SCHIP1: variants seen among roughly 807,000 people sequenced by gnomAD.
SCHIP1 encodes schwannomin-interacting protein 1.
In SCHIP1, 8 loss-of-function variants were observed where a neutral mutation model predicts 29.7. The ratio of observed to expected loss-of-function variants is 0.27; its 90% CI spans 0.16 to 0.49. The LOEUF is 0.49. Among genes scored for constraint, SCHIP1 ranks in the 20% least tolerant of loss-of-function variants. The probability of loss-of-function intolerance (pLI) is 0.99; values close to 1 mark genes in which losing one functional copy is unlikely to be tolerated. For missense variants in SCHIP1, 193 were observed against 294.6 expected, an observed-to-expected ratio of 0.66 and a Z score of 2.52; for synonymous variants, 76 against 94.9, an observed-to-expected ratio of 0.80 and a Z score of 1.16.
chr3:159,711,299 TGCAGTGA>T, the SCHIP1 span, among the ~76,000 whole-genome samples: 1 of 69,502 alleles, frequency 1.4e-5, no homozygotes, highest in African/African-American at 1.9e-4. Context: ...AGGCGGAGCT[TGCAGTGA>T]GCCGAGATCC....
chr3:159,683,462 T>C, the SCHIP1 span, among the ~76,000 whole-genome samples: 1 of 152,090 alleles, frequency 6.6e-6, no homozygotes, highest in African/African-American at 2.4e-5. Context: ...GTTTTTGTAA[T>C]ATTCTTTCTC....
the SCHIP1 span, among the ~76,000 whole-genome samples, chr3:159,810,527 G>A: frequency 6.6e-6 from 1 of 152,122 alleles, no homozygotes; most frequent in Non-Finnish European, 1.5e-5. Context: ...TTATAAATCT[G>A]CCTTTTCTGA....
At chr3:159,642,826 A>AG in the SCHIP1 span, among the ~76,000 whole-genome samples, 1 of 152,108 alleles carries the variant, frequency 6.6e-6, no homozygotes, top group Non-Finnish European at 1.5e-5. Flanking sequence ...TATGAGTACA[A>AG]GGACTCAGAG....
At chr3:159,502,338 C>T in the SCHIP1 span, among the ~76,000 whole-genome samples, 1 of 152,110 alleles carries the variant, frequency 6.6e-6, no homozygotes. Context: ...GGGTGTCTGG[C>T]ACATTGTTTA....
chr3:159,435,490 A>G, the SCHIP1 span, among the ~76,000 whole-genome samples: 2 of 152,118 alleles, frequency 1.3e-5, no homozygotes, highest in Non-Finnish European at 2.9e-5. Flanking sequence ...TTCTCCCCAT[A>G]GGTGCCAGCA....
the SCHIP1 span, among the ~76,000 whole-genome samples, chr3:159,359,988 A>C: frequency 6.6e-6 from 1 of 152,232 alleles, no homozygotes; most frequent in Non-Finnish European, 1.5e-5. Flanking sequence ...CAGCACAAAC[A>C]CAGAGGTGAC....
At chr3:159,518,045 T>C in the SCHIP1 span, among the ~76,000 whole-genome samples, 27 of 152,256 alleles carry the variant, frequency 1.8e-4, no homozygotes, top group African/African-American at 6.3e-4. Flanking sequence ...AATGTAATTG[T>C]ATACAACTGC....
At chr3:159,308,592 G>T in the SCHIP1 span, among the ~76,000 whole-genome samples, 1 of 152,126 alleles carries the variant, frequency 6.6e-6, no homozygotes, top group African/African-American at 2.4e-5. Context: ...GCCACTGTGG[G>T]AAGCAGTCTG....
At chr3:159,423,691 C>T in the SCHIP1 span, among the ~76,000 whole-genome samples, 1 of 152,158 alleles carries the variant, frequency 6.6e-6, no homozygotes, top group Non-Finnish European at 1.5e-5. Context: ...TGTCTGACAG[C>T]TTTGAACAGA....
At chr3:159,519,126 T>A in the SCHIP1 span, among the ~76,000 whole-genome samples, 1 of 152,140 alleles carries the variant, frequency 6.6e-6, no homozygotes, top group Non-Finnish European at 1.5e-5. Context: ...GGTCCAAGTT[T>A]AAAGGCTTAT....
At chr3:159,409,501 G>A in the SCHIP1 span, among the ~76,000 whole-genome samples, 1 of 151,852 alleles carries the variant, frequency 6.6e-6, no homozygotes, top group South Asian at 2.1e-4. Flanking sequence ...TGACCAATCT[G>A]AAAAAGAAAT....
At chr3:159,521,520 A>G in the SCHIP1 span, among the ~76,000 whole-genome samples, 3 of 152,364 alleles carry the variant, frequency 2.0e-5, no homozygotes, top group East Asian at 5.8e-4. Context: ...GCCCCTTTAG[A>G]CAGGGAGTTA....
the SCHIP1 span, among the ~76,000 whole-genome samples, chr3:159,498,077 A>C: frequency 1.3e-5 from 2 of 152,220 alleles, no homozygotes; most frequent in African/African-American, 4.8e-5. Flanking sequence ...TTATACATTC[A>C]AATTACACAG....
At chr3:159,628,404 T>C in the SCHIP1 span, among the ~76,000 whole-genome samples, 6 of 152,256 alleles carry the variant, frequency 3.9e-5, no homozygotes, top group African/African-American at 1.4e-4. Context: ...AAAGTTACCA[T>C]GCATGCCAAG....
chr3:159,828,430 C>CGTATATAT, the SCHIP1 span, among the ~76,000 whole-genome samples: 29 of 91,548 alleles, frequency 3.2e-4, 2 homozygotes, highest in African/African-American at 1.3e-3. Flanking sequence ...TATATATATA[C>CGTATATAT]GTATATATAC....
At chr3:159,836,958 C>A (rs1560075391), upstream of SCHIP1, among the ~76,000 whole-genome samples, 1 of 152,104 alleles carries the variant, frequency 6.6e-6, no homozygotes, top group Non-Finnish European at 1.5e-5. Flanking sequence ...CTAATATATT[C>A]ATTTTTTTTC....
the SCHIP1 span, among the ~76,000 whole-genome samples, chr3:159,590,037 T>C: frequency 6.6e-6 from 1 of 152,186 alleles, no homozygotes; most frequent in African/African-American, 2.4e-5. Context: ...AATTCAAGTT[T>C]AGTTAGGAAT....
the SCHIP1 span, among the ~76,000 whole-genome samples, chr3:159,529,781 G>A: frequency 6.6e-6 from 1 of 152,028 alleles, no homozygotes; most frequent in African/African-American, 2.4e-5. Context: ...CCCAGCCTCT[G>A]GTAACCACCA....
chr3:159,533,781 T>C, the SCHIP1 span, among the ~76,000 whole-genome samples: 6 of 152,208 alleles, frequency 3.9e-5, no homozygotes, highest in Admixed American at 3.9e-4. Context: ...GTAAGCATAG[T>C]CAAGGCCAAT....
Sources: gnomAD v4.1 joint callset for allele counts (sites outside exome capture counted in the v4.1 genomes callset) on GRCh38, gnomAD v4.1.1 for gene constraint, MANE v1.5 for transcripts, NCBI Gene and HGNC (gene_info 2026-07-23, HGNC 2026-07-21) for gene names.